Variants in POLD3 observed in about 807,000 individuals in gnomAD.
POLD3 encodes the protein DNA polymerase delta subunit 3.
Under a neutral mutation model 58.2 loss-of-function variants are expected in POLD3, and 19 were observed. The ratio of observed to expected loss-of-function variants is 0.33; its 90% CI spans 0.23 to 0.48. The LOEUF (loss-of-function observed/expected upper bound fraction) is 0.48, where lower values mean the gene tolerates loss of function less well. POLD3 is among the 20% of genes least tolerant of loss of function. The probability of loss-of-function intolerance (pLI) is 0.99; values close to 1 mark genes in which losing one functional copy is unlikely to be tolerated. For synonymous variants in POLD3, 172 were observed against 193.5 expected, an observed-to-expected ratio of 0.89 and a Z score of 0.92; for missense variants, 504 against 545.5, an observed-to-expected ratio of 0.92 and a Z score of 0.76.
chr11:74,642,554 T>C lies in POLD3; in HGVS notation c.*1788T>C, dbSNP rs1051076. On this transcript the variant is annotated 3_prime_UTR_variant, in exon 12 of 12. Coordinates refer to ENST00000263681, the MANE Select transcript of POLD3 (RefSeq NM_006591.3). The stretch of plus-strand genomic sequence containing the variant: ...TGGAAAATTCTGGTGTTGGTTGGAG[T>C]TCCATCTTGCAAGGGATAATACAAA... The C allele has an allele frequency of 0.04, 39,235 of 985,058 alleles. 925 individuals carry two copies. The highest frequency in any genetic ancestry group is 0.12 in the South Asian group (2,500 of 21,272). 61.0% of individuals were successfully genotyped at this position (985,058 alleles called of 1,614,324 possible).
chr11:74,636,898 T>C (rs1326998071), intron 11 of POLD3, among the ~76,000 whole-genome samples: 9 of 152,240 alleles, frequency 5.9e-5, no homozygotes, highest in Admixed American at 5.9e-4. Context: ...CTTTGAGTCA[T>C]TGGCTAGTTC....
At chr11:74,605,996 G>A (rs1397412467) in intron 3 of POLD3, among the ~76,000 whole-genome samples, 2 of 152,116 alleles carry the variant, frequency 1.3e-5, no homozygotes, top group African/African-American at 4.8e-5. Context: ...AAGTGGGAAG[G>A]ATTACTTGAG....
At chr11:74,644,106 C>T (rs551148889), downstream of POLD3, among the ~76,000 whole-genome samples, 48 of 152,294 alleles carry the variant, frequency 3.2e-4, no homozygotes, top group African/African-American at 7.0e-4. Context: ...GGCTGGTAAA[C>T]GAGTGAAACA....
chr11:74,636,155 C>T lies in POLD3; in HGVS notation c.1120-42C>T, dbSNP rs939219205. On this transcript the variant is annotated intron_variant, in intron 10 of 11. Coordinates refer to ENST00000263681, the MANE Select transcript of POLD3 (RefSeq NM_006591.3). Reference sequence around the variant, plus strand: ...AAGCTTTTGTTATTTTTCTGTATAACATAATTGATCCAGCTTAACATTGTA... The same window carrying T: ...AAGCTTTTGTTATTTTTCTGTATAATATAATTGATCCAGCTTAACATTGTA... The T allele has an allele frequency of 9.5e-6, 15 of 1,573,852 alleles. No individual in the cohort carries two copies. In the East Asian group the frequency reaches 3.4e-4, roughly 35 times the overall value.
intron 2 of POLD3, chr11:74,595,451 G>A (rs1405904845): frequency 1.3e-5 from 2 of 151,988 alleles, no homozygotes; most frequent in East Asian, 3.9e-4. Flanking sequence ...TCAAAATTAT[G>A]CCCATTTTTG....
intron 4 of POLD3, among the ~76,000 whole-genome samples, chr11:74,655,006 A>G (rs919681109): frequency 1.3e-5 from 2 of 152,232 alleles, no homozygotes; most frequent in African/African-American, 4.8e-5. Flanking sequence ...TTGGCTATCC[A>G]CATACACCTG....
chr11:74,659,266 A>G (rs1334405109), intron 4 of POLD3, among the ~76,000 whole-genome samples: 1 of 152,130 alleles, frequency 6.6e-6, no homozygotes, highest in East Asian at 1.9e-4. Flanking sequence ...ACAGGGCACC[A>G]AGTCAATAGG....
intron 2 of POLD3, among the ~76,000 whole-genome samples, chr11:74,600,502 G>A (rs1213963550): frequency 6.6e-6 from 1 of 151,672 alleles, no homozygotes; most frequent in African/African-American, 2.4e-5. Context: ...AAATTAGCCA[G>A]CGTGTGCCTG....
intron 3 of POLD3, among the ~76,000 whole-genome samples, chr11:74,608,451 G>T (rs904529134): frequency 6.6e-6 from 1 of 152,016 alleles, no homozygotes; most frequent in Non-Finnish European, 1.5e-5. Flanking sequence ...ATTTTTCTGT[G>T]AATAATTTTC....
At chr11:74,615,593 G>C (rs971380971) in intron 5 of POLD3, among the ~76,000 whole-genome samples, 1 of 152,180 alleles carries the variant, frequency 6.6e-6, no homozygotes, top group Admixed American at 6.5e-5. Flanking sequence ...GCAGAAAAGA[G>C]GGTGGTAGCT....
Position 74,592,683 on chromosome 11 carries a change from A to G in POLD3, c.25A>G (p.Asn9Asp), listed in dbSNP as rs992150712. Residue 9 changes from asparagine to aspartate, a missense_variant, in exon 1 of 12, where the codon AAT (asparagine) becomes GAT (aspartate). Transcript: ENST00000263681. ...CATGGCGGACCAGCTTTATCTGGAAAATATAGACGAGTTCGTCACGGACCA... is the reference window on the plus strand; with the variant it reads ...CATGGCGGACCAGCTTTATCTGGAAGATATAGACGAGTTCGTCACGGACCA... Reference protein sequence around the residue: MADQLYLENIDEFVTDQNK... With the variant: MADQLYLEDIDEFVTDQNK... 7 of 1,613,874 alleles carry G rather than the reference A, an allele frequency of 4.3e-6. No individual in the cohort carries two copies. The highest frequency in any genetic ancestry group is 1.7e-5 in the Admixed American group (1 of 59,986).
chr11:74,601,363 G>A (rs577793583), intron 2 of POLD3, among the ~76,000 whole-genome samples: 1 of 152,256 alleles, frequency 6.6e-6, no homozygotes, highest in South Asian at 2.1e-4. Flanking sequence ...TCCTGACTAG[G>A]GCACCTTTTT....
chr11:74,632,573 A>G (rs957118299), intron 9 of POLD3, among the ~76,000 whole-genome samples: 2 of 152,202 alleles, frequency 1.3e-5, no homozygotes, highest in Admixed American at 6.5e-5. Flanking sequence ...AAGTTTTATG[A>G]TAGATGATAA....
intron 3 of POLD3, among the ~76,000 whole-genome samples, chr11:74,605,531 C>A (rs1215109936): frequency 6.6e-6 from 1 of 152,098 alleles, no homozygotes; most frequent in East Asian, 1.9e-4. Context: ...TTAATAATTC[C>A]CCCTCTCTGG....
chr11:74,656,138 T>C (rs2033130863), intron 4 of POLD3, among the ~76,000 whole-genome samples: 1 of 152,228 alleles, frequency 6.6e-6, no homozygotes, highest in Non-Finnish European at 1.5e-5. Flanking sequence ...TCAACATCTC[T>C]ACACTAAAAA....
At chr11:74,635,414 G>T (rs750075776) in intron 10 of POLD3, among the ~76,000 whole-genome samples, 19 of 152,172 alleles carry the variant, frequency 1.2e-4, no homozygotes, top group Non-Finnish European at 2.6e-4. Context: ...GGCTGGCCAG[G>T]CGTGTTGGCT....
downstream of POLD3, among the ~76,000 whole-genome samples, chr11:74,643,380 T>A (rs2032960998): frequency 6.6e-6 from 1 of 152,216 alleles, no homozygotes; most frequent in Non-Finnish European, 1.5e-5. Context: ...GTCAAGCCCA[T>A]GACCTGGGGA....
At chr11:74,601,247 T>A (rs1029160494) in intron 2 of POLD3, among the ~76,000 whole-genome samples, 1 of 152,170 alleles carries the variant, frequency 6.6e-6, no homozygotes, top group Non-Finnish European at 1.5e-5. Flanking sequence ...CAAACTAGCA[T>A]CAATAAACCA....
intron 3 of POLD3, among the ~76,000 whole-genome samples, chr11:74,605,628 A>G (rs1450195921): frequency 6.6e-6 from 1 of 152,184 alleles, no homozygotes; most frequent in Non-Finnish European, 1.5e-5. Flanking sequence ...AAAAAGCCCC[A>G]TGGGACTTGG....
Sources: allele counts gnomAD v4.1 joint callset (sites outside exome capture counted in the v4.1 genomes callset), GRCh38; gene constraint gnomAD v4.1.1; transcripts MANE v1.5; gene names NCBI Gene and HGNC (gene_info 2026-07-23, HGNC 2026-07-21).